The following CPED1 variants were observed in gnomAD, a reference collection of about 807,000 sequenced individuals.
CPED1 encodes the protein cadherin-like and PC-esterase domain-containing protein 1.
Under a neutral mutation model 128.2 loss-of-function variants are expected in CPED1, and 114 were observed. That is an observed-to-expected ratio of 0.89 (90% CI 0.76 to 1.04). CPED1 has a LOEUF of 1.04. Ranked by LOEUF, CPED1 falls within the 50% of genes least tolerant of loss-of-function variation. The pLI is 0.00. For synonymous variants in CPED1, 462 were observed against 426.7 expected (o/e 1.08, Z -1.02); for missense variants, 1,211 against 1,207.1 (o/e 1.00, Z -0.05).
chr7:120,997,409 T>G (rs1172008345), intron 2 of CPED1, among the ~76,000 whole-genome samples: 1 of 152,206 alleles, frequency 6.6e-6, no homozygotes, highest in Admixed American at 6.5e-5. Context: ...CTGAGACCTA[T>G]GTCCTTTCTA....
chr7:121,142,886 A>G (rs1355200995), intron 16 of CPED1, among the ~76,000 whole-genome samples: 1 of 151,978 alleles, frequency 6.6e-6, no homozygotes, highest in Non-Finnish European at 1.5e-5. Flanking sequence ...TATACTTGCA[A>G]ATATATCATG....
chr7:121,172,957 G>A (rs1796688424), intron 16 of CPED1, among the ~76,000 whole-genome samples: 1 of 152,124 alleles, frequency 6.6e-6, no homozygotes, highest in Non-Finnish European at 1.5e-5. Flanking sequence ...AGATTCTGAA[G>A]AACACATATC....
chr7:121,046,141 T>A (rs1448031086), intron 3 of CPED1, among the ~76,000 whole-genome samples: 1 of 152,130 alleles, frequency 6.6e-6, no homozygotes, highest in East Asian at 1.9e-4. Flanking sequence ...GTTTAGAGAT[T>A]AGGCAAGAAT....
At position 121,077,072 on chromosome 7, in the gene CPED1, C is replaced by A. The variant is rs75282046; in HGVS notation, c.616+12759C>A. ...GGCCCCTGGAGACTCCTGCTTGACA[C>A]CACTCCATCCCCCATGAAACTTGGG... On this transcript the variant is annotated intron_variant, in intron 5 of 22. Transcript: ENST00000310396. 8.5e-5 allele frequency among the ~76,000 whole-genome samples: 13 copies of A among 152,160 alleles called. No homozygotes were observed. In the East Asian group the frequency reaches 2.5e-3, roughly 30 times the overall value.
At chr7:121,237,971 A>G (rs1798298580) in intron 17 of CPED1, among the ~76,000 whole-genome samples, 1 of 152,204 alleles carries the variant, frequency 6.6e-6, no homozygotes, top group African/African-American at 2.4e-5. Context: ...ATATTATTCC[A>G]TACAAAGGAG....
chr7:121,085,093 C>G (rs2908573), intron 5 of CPED1, among the ~76,000 whole-genome samples: 6,532 of 152,252 alleles, frequency 0.043, 462 homozygotes, highest in African/African-American at 0.15. Context: ...TACTCCACTT[C>G]TGCTGGAGTC....
intron 2 of CPED1, among the ~76,000 whole-genome samples, chr7:120,997,372 C>T (rs1427080305): frequency 6.6e-6 from 1 of 152,146 alleles, no homozygotes; most frequent in African/African-American, 2.4e-5. Flanking sequence ...AGTAACATAA[C>T]AAGTTGATAG....
intron 16 of CPED1, among the ~76,000 whole-genome samples, chr7:121,228,989 G>T (rs2116644945): frequency 6.6e-6 from 1 of 152,004 alleles, no homozygotes; most frequent in African/African-American, 2.4e-5. Flanking sequence ...AATGAGTGGG[G>T]GTAAGGAGGG....
At chr7:121,061,762 A>G (rs1210631916) in intron 4 of CPED1, among the ~76,000 whole-genome samples, 2 of 152,258 alleles carry the variant, frequency 1.3e-5, no homozygotes, top group African/African-American at 4.8e-5. Context: ...TGATACGTGT[A>G]AAAGTAAAAA....
At chr7:121,112,636 T>C (rs1795142137) in intron 7 of CPED1, among the ~76,000 whole-genome samples, 1 of 152,194 alleles carries the variant, frequency 6.6e-6, no homozygotes, top group Admixed American at 6.5e-5. Flanking sequence ...TGTAGCAATT[T>C]GTTACAGAAG....
intron 22 of CPED1, among the ~76,000 whole-genome samples, chr7:121,295,140 A>AACACACACACACACACACACACACACAC (rs35927183): frequency 1.5e-4 from 22 of 145,870 alleles, no homozygotes; most frequent in African/African-American, 5.7e-4. Context: ...CTGGCCTGAA[A>AACACACACACACACACACACACACACAC]ACACACACAC....
At chr7:121,018,189 T>C (rs1792352904) in intron 3 of CPED1, among the ~76,000 whole-genome samples, 2 of 152,192 alleles carry the variant, frequency 1.3e-5, no homozygotes, top group African/African-American at 2.4e-5. Context: ...CTTGATGATT[T>C]ATTGTATAAA....
chr7:121,011,622 T>G (rs1792164839), intron 2 of CPED1, among the ~76,000 whole-genome samples: 1 of 152,122 alleles, frequency 6.6e-6, no homozygotes, highest in South Asian at 2.1e-4. Flanking sequence ...AACAAAATGG[T>G]CAAAAACATG....
At chr7:121,064,164 T>C in intron 4 of CPED1, 74 bp from the exon 5 acceptor site, 1 of 993,020 alleles carries the variant, frequency 1.0e-6, no homozygotes, top group Non-Finnish European at 1.6e-6. Context: ...CTCTCTGGGT[T>C]TTTTGTGTTT....
At chr7:121,190,535 T>G (rs2116527294) in intron 16 of CPED1, among the ~76,000 whole-genome samples, 1 of 152,220 alleles carries the variant, frequency 6.6e-6, no homozygotes, top group Non-Finnish European at 1.5e-5. Flanking sequence ...ACCAAGATTT[T>G]CTCACTTCCA....
chr7:121,028,543 A>G lies in CPED1; in HGVS notation c.433+12695A>G, dbSNP rs111671097. 7.7e-3 allele frequency among the ~76,000 whole-genome samples: 1,173 copies of G among 152,324 alleles called. 22 individuals are homozygous for G. Among genetic ancestry groups the G allele is most frequent in the African/African-American group, 0.027 (1,118 of 41,576 alleles). On this transcript the variant is annotated intron_variant, in intron 3 of 22. Transcript: ENST00000310396. ...AAGCCAATGATCTCATTTTAAAATGATAGCACAAGCAGCTGAATTTAGACT... is the reference window on the plus strand; with the variant it reads ...AAGCCAATGATCTCATTTTAAAATGGTAGCACAAGCAGCTGAATTTAGACT...
intron 2 of CPED1, among the ~76,000 whole-genome samples, chr7:121,009,561 C>A (rs1792108406): frequency 7.1e-6 from 1 of 140,782 alleles, no homozygotes; most frequent in Non-Finnish European, 1.5e-5. Flanking sequence ...AAGCCTAGAT[C>A]ATGCCACTGC....
chr7:121,241,981 G>C (rs1283899328), intron 17 of CPED1, among the ~76,000 whole-genome samples: 1 of 152,132 alleles, frequency 6.6e-6, no homozygotes, highest in Admixed American at 6.5e-5. Context: ...CATCCCCATT[G>C]ATTCTGATTC....
intron 2 of CPED1, among the ~76,000 whole-genome samples, chr7:120,995,054 G>A (rs765707142): frequency 6.6e-6 from 1 of 152,030 alleles, no homozygotes; most frequent in African/African-American, 2.4e-5. Context: ...TCCTGCCAGC[G>A]AACATGTGTA....
Sources: gnomAD v4.1 joint callset for allele counts (sites outside exome capture counted in the v4.1 genomes callset) on GRCh38, gnomAD v4.1.1 for gene constraint, MANE v1.5 for transcripts, NCBI Gene and HGNC (gene_info 2026-07-23, HGNC 2026-07-21) for gene names.